Variants in PCDHA2 observed in about 807,000 individuals in gnomAD.
PCDHA2 encodes the protein protocadherin alpha-2.
Under a neutral mutation model 66.0 loss-of-function variants are expected in PCDHA2, and 58 were observed. That is an observed-to-expected ratio of 0.88 (90% CI 0.71 to 1.09). The LOEUF (loss-of-function observed/expected upper bound fraction) is 1.09. Ranked by LOEUF, PCDHA2 falls within the 50% of genes least tolerant of loss-of-function variation. PCDHA2 has a pLI of 0.00. For synonymous variants in PCDHA2, 634 were observed against 554.0 expected, an observed-to-expected ratio of 1.14 and a Z score of -2.03; for missense variants, 1,267 against 1,242.3, an observed-to-expected ratio of 1.02 and a Z score of -0.30.
rs2150360116 is a variant in PCDHA2 at position 140,843,442 on chromosome 5, A to G, written c.2388+46090A>G. The G allele has an allele frequency of 4.5e-5, 72 of 1,596,116 alleles. 7 individuals are homozygous for G. The highest frequency in any genetic ancestry group is 1.7e-4 in the Middle Eastern group (1 of 5,982). ...ACCTGATCATCGCCATCTGCGCGGT[A>G]TCCAGCCTGCTGGTGCTCACGCTGC... On this transcript the variant is annotated intron_variant, in intron 1 of 3. Coordinates refer to ENST00000526136, the MANE Select transcript of PCDHA2 (RefSeq NM_018905.3).
chr5:140,815,493 T>C (rs2126664766), intron 1 of PCDHA2: 195 of 151,928 alleles, frequency 1.3e-3, no homozygotes, highest in African/African-American at 4.6e-3. Flanking sequence ...CCAAATTTTA[T>C]GTTATTGATG....
At position 140,858,590 on chromosome 5, in the gene PCDHA2, C is replaced by T. The variant is rs781927983; in HGVS notation, c.2388+61238C>T. 16 of 1,324,580 alleles carry T rather than the reference C, an allele frequency of 1.2e-5. No homozygotes were observed. In the South Asian group the frequency reaches 2.3e-4, roughly 19 times the overall value. The allele number at this position is 1,324,580 out of a possible 1,614,324, so 82.1% of individuals were successfully genotyped here. A position where few individuals can be genotyped will look rare whatever the true frequency, so the allele number is the denominator to read the frequency against. ...TGATACCTTTGTAATATAATTTATTCCAGGAGTTTTAAAATTTTTTTATCC... is the reference window on the plus strand; with the variant it reads ...TGATACCTTTGTAATATAATTTATTTCAGGAGTTTTAAAATTTTTTTATCC... On this transcript the variant is annotated intron_variant, in intron 1 of 3. Transcript: ENST00000526136.
intron 1 of PCDHA2, chr5:140,865,758 G>A (rs2048989245): frequency 6.6e-6 from 1 of 152,150 alleles, no homozygotes; most frequent in African/African-American, 2.4e-5. Flanking sequence ...CCAGTACATG[G>A]TGGAGATATT....
intron 1 of PCDHA2, chr5:140,850,086 C>T (rs2150466254): frequency 1.1e-5 from 17 of 1,596,424 alleles, no homozygotes; most frequent in African/African-American, 2.7e-5. Context: ...GCTGGAGCTG[C>T]TACAGTTCCA....
chr5:140,830,354 C>T (rs2150185231), intron 1 of PCDHA2: 11 of 1,613,990 alleles, frequency 6.8e-6, no homozygotes, highest in African/African-American at 4.0e-5. Context: ...GCAGCAGAGG[C>T]GGCAGAGGGT....
At chr5:140,953,988 A>G (rs1554221181) in intron 1 of PCDHA2, among the ~76,000 whole-genome samples, 1 of 151,898 alleles carries the variant, frequency 6.6e-6, no homozygotes, top group African/African-American at 2.4e-5. Flanking sequence ...TCATATTTTC[A>G]TGTGTACTCA....
intron 1 of PCDHA2, among the ~76,000 whole-genome samples, chr5:140,888,353 A>G (rs907810387): frequency 1.9e-4 from 29 of 152,220 alleles, no homozygotes; most frequent in African/African-American, 6.8e-4. Context: ...GGGAATTGCT[A>G]CTGGCATCTA....
rs201793837 is a variant in PCDHA2 at position 141,003,710 on chromosome 5, A to G, written c.2537-5917A>G. Among the ~76,000 whole-genome samples, 7 of 152,316 alleles carry G rather than the reference A, an allele frequency of 4.6e-5. No homozygotes were observed. The East Asian group carries it at 1.2e-3, about 25-fold the overall frequency. On this transcript the variant is annotated intron_variant, in intron 3 of 3. Transcript: ENST00000526136. ...AAATATATCCCTACCAATTGTGAAG[A>G]TATCGGCTAATCCAATAAAAAAGCA... is the stretch of plus-strand genomic sequence containing the variant.
At position 140,806,169 on chromosome 5, in the gene PCDHA2, T is replaced by A. The variant is rs12655578; in HGVS notation, c.2388+8817T>A. Reference sequence around the variant, plus strand: ...TAAGTGGTTATAAAATGGGGTAAATTGGCTTTAGAAGAGTTTAGAAATGAT... The same window carrying A: ...TAAGTGGTTATAAAATGGGGTAAATAGGCTTTAGAAGAGTTTAGAAATGAT... On this transcript the variant is annotated intron_variant, in intron 1 of 3. Coordinates refer to ENST00000526136, the MANE Select transcript of PCDHA2 (RefSeq NM_018905.3). 3.3e-5 allele frequency among the ~76,000 whole-genome samples: 5 copies of A among 152,266 alleles called. No individual in the cohort carries two copies. In the East Asian group the frequency reaches 9.6e-4, roughly 29 times the overall value.
intron 1 of PCDHA2, among the ~76,000 whole-genome samples, chr5:140,885,964 G>A (rs1326363408): frequency 6.6e-6 from 1 of 151,886 alleles, no homozygotes; most frequent in Non-Finnish European, 1.5e-5. Flanking sequence ...TTTTTATTTT[G>A]AGATAATTAT....
chr5:140,972,201 G>A (rs1554233905), intron 1 of PCDHA2, among the ~76,000 whole-genome samples: 1 of 152,058 alleles, frequency 6.6e-6, no homozygotes, highest in African/African-American at 2.4e-5. Flanking sequence ...GAGTATAGGT[G>A]TGAATATGGC....
At position 140,822,813 on chromosome 5, in the gene PCDHA2, C is replaced by A. The variant is rs1360535940; in HGVS notation, c.2388+25461C>A. 8 of 1,613,942 alleles carry A rather than the reference C, an allele frequency of 5.0e-6. No individual in the cohort carries two copies. The Middle Eastern group carries it at 4.9e-4, about 99-fold the overall frequency. On this transcript the variant is annotated intron_variant, in intron 1 of 3. Transcript: ENST00000526136. ...AACTCCTGGATGTGAATGATAATAC[C>A]CCAGAGATGGCCATAACCACCCTTT...
At chr5:140,802,621 T>C in intron 1 of PCDHA2, 1 of 1,613,978 alleles carries the variant, frequency 6.2e-7, no homozygotes, top group East Asian at 2.2e-5. Flanking sequence ...TGCCACATCT[T>C]CACGGTGTCT....
At chr5:140,925,690 G>A (rs1029124411) in intron 1 of PCDHA2, among the ~76,000 whole-genome samples, 6 of 149,642 alleles carry the variant, frequency 4.0e-5, no homozygotes, top group African/African-American at 7.4e-5. Context: ...GCGAGGGTGG[G>A]TATCTAGCCT....
intron 1 of PCDHA2, chr5:140,882,471 C>A: frequency 6.2e-7 from 1 of 1,614,024 alleles, no homozygotes; most frequent in African/African-American, 1.3e-5. Flanking sequence ...CGGGTGGCGT[C>A]CAAAAGACAC....
chr5:140,841,473 A>G, intron 1 of PCDHA2: 1 of 1,612,990 alleles, frequency 6.2e-7, no homozygotes, highest in Non-Finnish European at 8.5e-7. Flanking sequence ...ATCGCGCAGG[A>G]CCTGGGGCTG....
Position 140,856,120 on chromosome 5 carries a change from G to C in PCDHA2, c.2388+58768G>C, listed in dbSNP as rs782167466. 6 of 1,598,210 alleles carry C rather than the reference G, an allele frequency of 3.8e-6. 1 individual carries two copies. The highest frequency in any genetic ancestry group is 5.1e-6 in the Non-Finnish European group (6 of 1,167,784). On this transcript the variant is annotated intron_variant, in intron 1 of 3. Transcript: ENST00000526136. ...CGCTTCTTCTCCTCGCAGCCTGGGA[G>C]GTGGGGAGCGGCCAGCTCCACTACT...
chr5:140,977,839 C>G (rs1400370638), intron 1 of PCDHA2, among the ~76,000 whole-genome samples: 1 of 152,176 alleles, frequency 6.6e-6, no homozygotes, highest in South Asian at 2.1e-4. Context: ...ATTGATATTA[C>G]TATGGCTTTG....
intron 1 of PCDHA2, among the ~76,000 whole-genome samples, chr5:140,937,574 G>C (rs1320452651): frequency 1.3e-5 from 2 of 151,732 alleles, no homozygotes; most frequent in African/African-American, 4.9e-5. Context: ...CTGGGATCGC[G>C]TCACTGCACT....
Sources: allele counts gnomAD v4.1 joint callset (sites outside exome capture counted in the v4.1 genomes callset), GRCh38; gene constraint gnomAD v4.1.1; transcripts MANE v1.5; gene names NCBI Gene and HGNC (gene_info 2026-07-23, HGNC 2026-07-21).